ATOX1: variants seen among roughly 807,000 people sequenced by gnomAD.
The protein encoded by ATOX1 is copper transport protein ATOX1.
ATOX1 carries 4 observed loss-of-function variants against 7.3 expected under a neutral mutation model. The observed-to-expected ratio is 0.55, with a 90% confidence interval of 0.27 to 1.25. The LOEUF (loss-of-function observed/expected upper bound fraction) is 1.25, where lower values mean the gene tolerates loss of function less well. ATOX1 is among the 50% of genes most tolerant of loss of function. The pLI is 0.12. For missense variants in ATOX1, 68 were observed against 81.6 expected, an observed-to-expected ratio of 0.83 and a Z score of 0.64; for synonymous variants, 25 against 28.7, an observed-to-expected ratio of 0.87 and a Z score of 0.41.
At chr5:151,746,120 A>G (rs1223413948) in intron 3 of ATOX1, 159 bp downstream of exon 3, 2 of 576,724 alleles carry the variant, frequency 3.5e-6, no homozygotes, top group Non-Finnish European at 5.8e-6. Flanking sequence ...ATTAGACAAT[A>G]ATAAAATATT....
chr5:151,744,323 A>C (rs1761856750), intron 3 of ATOX1: 1 of 152,242 alleles, frequency 6.6e-6, no homozygotes, highest in South Asian at 2.1e-4. Context: ...TGGAACGCTA[A>C]GCTTGCAGGA....
At chr5:151,752,777 C>A (rs1375508815) in intron 1 of ATOX1, among the ~76,000 whole-genome samples, 1 of 152,104 alleles carries the variant, frequency 6.6e-6, no homozygotes, top group Non-Finnish European at 1.5e-5. Context: ...CTTCTCTGTG[C>A]CTTAGTTTCC....
Position 151,746,281 on chromosome 5 carries a change from G to T in ATOX1, c.*44C>A. The T allele has an allele frequency of 6.2e-7, 1 of 1,608,278 alleles. No individual in the cohort carries two copies. Reference sequence around the variant, plus strand: ...GCAAGTGCTGGGGCCTTACCCACCTGCCCCCTTTGGTCCATCCTGTGGGCT... The same window carrying T: ...GCAAGTGCTGGGGCCTTACCCACCTTCCCCCTTTGGTCCATCCTGTGGGCT... On this transcript the variant is annotated splice_region_variant and 3_prime_UTR_variant, in exon 3 of 4. Transcript: ENST00000313115.
rs768198867 is a variant in ATOX1 at position 151,758,560 on chromosome 5, CAGCGGCGGTGTGGCGGCGGTGT to C, written c.-31_-10del. On this transcript the variant is annotated 5_prime_UTR_variant, in exon 1 of 4. Coordinates refer to ENST00000313115, the MANE Select transcript of ATOX1 (RefSeq NM_004045.4). ...CAACCACTCACCGGCATGACTGAGG[CAGCGGCGGTGTGGCGGCGGTGT>C]GGCGGCGGTGTCAGCAGCGCCTCTC... 25 of 1,428,312 alleles carry C rather than the reference CAGCGGCGGTGTGGCGGCGGTGT, an allele frequency of 1.8e-5. No individual in the cohort carries two copies. The African/African-American group carries it at 3.0e-4, about 17-fold the overall frequency. The allele number at this position is 1,428,312 out of a possible 1,614,324, so 88.5% of individuals were successfully genotyped here.
intron 1 of ATOX1, among the ~76,000 whole-genome samples, chr5:151,757,739 G>C (rs151232649): frequency 6.6e-6 from 1 of 152,244 alleles, no homozygotes; most frequent in African/African-American, 2.4e-5. Flanking sequence ...GGCCTGGAGA[G>C]ATGGGGAGCC....
At chr5:151,754,682 G>A (rs1761990286) in intron 1 of ATOX1, among the ~76,000 whole-genome samples, 1 of 151,840 alleles carries the variant, frequency 6.6e-6, no homozygotes, top group Non-Finnish European at 1.5e-5. Flanking sequence ...AAAGAGTTTT[G>A]TTAAAACATA....
At chr5:151,746,498 C>T (rs1761881170) in intron 2 of ATOX1, 49 bp from the exon 3 acceptor site, 1 of 1,608,270 alleles carries the variant, frequency 6.2e-7, no homozygotes, top group Non-Finnish European at 8.5e-7. Flanking sequence ...CAGACCCTCC[C>T]AGTTACAGCA....
At chr5:151,756,917 G>A (rs1014426762) in intron 1 of ATOX1, among the ~76,000 whole-genome samples, 6 of 152,194 alleles carry the variant, frequency 3.9e-5, no homozygotes, top group African/African-American at 1.4e-4. Context: ...TGAGGTCAAA[G>A]TTTTTGTCCC....
At chr5:151,747,183 C>T (rs566955837) in intron 2 of ATOX1, among the ~76,000 whole-genome samples, 3 of 152,000 alleles carry the variant, frequency 2.0e-5, no homozygotes, top group Admixed American at 6.6e-5. Context: ...TCTATCTAGA[C>T]TTTGTCCTAG....
chr5:151,748,632 C>T (rs28917202), intron 2 of ATOX1, among the ~76,000 whole-genome samples: 2,246 of 152,022 alleles, frequency 0.015, 35 homozygotes, highest in South Asian at 0.03. Context: ...GAGGCTGAGG[C>T]GAGTGGATCA....
intron 1 of ATOX1, 188 bp from the exon 2 acceptor site, chr5:151,751,967 A>G (rs1459421267): frequency 9.8e-6 from 6 of 609,404 alleles, no homozygotes; most frequent in South Asian, 8.0e-5. Context: ...AAGAGTTTCT[A>G]CCTCACAAGT....
At chr5:151,752,259 G>A (rs982765875) in intron 1 of ATOX1, 10 of 702,594 alleles carry the variant, frequency 1.4e-5, no homozygotes, top group Non-Finnish European at 2.6e-5. Context: ...CTGGTCAGCA[G>A]GTCTGGGCTG....
chr5:151,751,869 G>A (rs1054071567), intron 1 of ATOX1, 90 bp from the exon 2 acceptor site: 5 of 1,309,666 alleles, frequency 3.8e-6, no homozygotes, highest in Non-Finnish European at 5.3e-6. Flanking sequence ...GGTCAAGACA[G>A]AAGACAGAGA....
At chr5:151,750,509 CAAA>C in intron 2 of ATOX1, among the ~76,000 whole-genome samples, 1 of 102,078 alleles carries the variant, frequency 9.8e-6, no homozygotes, top group African/African-American at 3.8e-5. Flanking sequence ...GACTTCATCT[CAAA>C]AAAAAAAAAA....
intron 1 of ATOX1, among the ~76,000 whole-genome samples, chr5:151,756,456 CTCCT>C (rs944238240): frequency 2.0e-5 from 3 of 149,878 alleles, no homozygotes; most frequent in Non-Finnish European, 4.4e-5. Context: ...TTCTTTCTCT[CTCCT>C]TCCTTCCTTT....
chr5:151,750,880 T>C lies in ATOX1; in HGVS notation c.82+824A>G, dbSNP rs1761940919. On this transcript the variant is annotated intron_variant, in intron 2 of 3. Transcript: ENST00000313115. ...TGCCCAGGCTGGTCTCGGGAACTCC[T>C]GAGCTCAGGCAATCTGCCCGCCTCA... Among the ~76,000 whole-genome samples the C allele has an allele frequency of 3.3e-5, 5 of 151,930 alleles. No individual in the cohort carries two copies. The South Asian group carries it at 1.0e-3, about 31-fold the overall frequency.
At chr5:151,746,572 A>T in intron 2 of ATOX1, 123 bp from the exon 3 acceptor site, 1 of 1,324,494 alleles carries the variant, frequency 7.6e-7, no homozygotes, top group Non-Finnish European at 1.0e-6. Flanking sequence ...TAGAGCAGGG[A>T]TCGGCAAACT....
chr5:151,746,590 T>A (rs1761882326), intron 2 of ATOX1, 141 bp from the exon 3 acceptor site: 3 of 1,100,906 alleles, frequency 2.7e-6, no homozygotes, highest in Non-Finnish European at 2.6e-6. Context: ...ACTTCTTCTG[T>A]AACAGGCCAG....
chr5:151,754,767 C>A (rs957296580), intron 1 of ATOX1, among the ~76,000 whole-genome samples: 25 of 151,788 alleles, frequency 1.6e-4, no homozygotes, highest in African/African-American at 6.1e-4. Flanking sequence ...GGGAGGATCA[C>A]GAGGTCAAGA....
Sources: gnomAD v4.1 joint callset for allele counts (sites outside exome capture counted in the v4.1 genomes callset) on GRCh38, gnomAD v4.1.1 for gene constraint, MANE v1.5 for transcripts, NCBI Gene and HGNC (gene_info 2026-07-23, HGNC 2026-07-21) for gene names.